CARMIL1: variants seen among roughly 807,000 people sequenced by gnomAD.
The protein encoded by CARMIL1 is capping protein regulator and myosin 1 linker 1.
In CARMIL1, 90 loss-of-function variants were observed where a neutral mutation model predicts 177.1. That is an observed-to-expected ratio of 0.51 (90% CI 0.43 to 0.61). CARMIL1 has a LOEUF of 0.61. CARMIL1 is among the 20% of genes least tolerant of loss of function. CARMIL1 has a pLI of 0.00. For missense variants in CARMIL1, 1,380 were observed against 1,667.0 expected (o/e 0.83, Z 3.00); for synonymous variants, 577 against 606.2 (o/e 0.95, Z 0.71).
At chr6:25,346,343 C>G (rs966245152) in intron 2 of CARMIL1, among the ~76,000 whole-genome samples, 1 of 152,146 alleles carries the variant, frequency 6.6e-6, no homozygotes, top group African/African-American at 2.4e-5. Context: ...ATTTGTTCTT[C>G]CCTCTGCCTG....
At chr6:25,281,118 A>T (rs1057204151) in intron 1 of CARMIL1, among the ~76,000 whole-genome samples, 3 of 80,648 alleles carry the variant, frequency 3.7e-5, no homozygotes, top group East Asian at 1.1e-3. Context: ...TCACAGACGC[A>T]CGCGCGTGTG....
intron 22 of CARMIL1, among the ~76,000 whole-genome samples, chr6:25,518,525 G>T (rs941142534): frequency 1.3e-5 from 2 of 152,154 alleles, no homozygotes; most frequent in African/African-American, 4.8e-5. Flanking sequence ...AGGCAGCTTA[G>T]ACTATCAGTT....
intron 33 of CARMIL1, among the ~76,000 whole-genome samples, chr6:25,603,642 G>T (rs1200356005): frequency 6.6e-6 from 1 of 152,190 alleles, no homozygotes; most frequent in Non-Finnish European, 1.5e-5. Context: ...CAGTCTGAAG[G>T]TCAGACTGCC....
rs953290770 is a variant in CARMIL1 at position 25,603,451 on chromosome 6, C to T, written c.3553-1361C>T. Reference sequence around the variant, plus strand: ...CTTCCTGCCACTTGGGTGCTTCCTTCTGATAGAGCCAGCACTCCTGGGGAG... The same window carrying T: ...CTTCCTGCCACTTGGGTGCTTCCTTTTGATAGAGCCAGCACTCCTGGGGAG... On this transcript the variant is annotated intron_variant, in intron 33 of 36. Coordinates refer to ENST00000329474, the MANE Select transcript of CARMIL1 (RefSeq NM_017640.6). Among the ~76,000 whole-genome samples, 6 of 152,290 alleles carry T rather than the reference C, an allele frequency of 3.9e-5. No individual in the cohort carries two copies. In the East Asian group the frequency reaches 1.2e-3, roughly 29 times the overall value.
At chr6:25,386,282 T>A (rs951195262) in intron 2 of CARMIL1, among the ~76,000 whole-genome samples, 1 of 152,166 alleles carries the variant, frequency 6.6e-6, no homozygotes, top group Non-Finnish European at 1.5e-5. Flanking sequence ...GGACGGAATC[T>A]TGCTCTGTCG....
At chr6:25,387,156 C>G (rs1197338949) in intron 2 of CARMIL1, among the ~76,000 whole-genome samples, 1 of 146,966 alleles carries the variant, frequency 6.8e-6, no homozygotes, top group East Asian at 2.1e-4. Flanking sequence ...AGATAACACT[C>G]TATGATGTCA....
chr6:25,281,123 C>CAT (rs1554148532), intron 1 of CARMIL1, among the ~76,000 whole-genome samples: 1 of 122,974 alleles, frequency 8.1e-6, no homozygotes, highest in Non-Finnish European at 1.7e-5. Flanking sequence ...GACGCACGCG[C>CAT]GTGTGCGCGC....
At chr6:25,422,126 A>G (rs1025460335) in intron 3 of CARMIL1, among the ~76,000 whole-genome samples, 3 of 152,164 alleles carry the variant, frequency 2.0e-5, no homozygotes, top group East Asian at 3.8e-4. Context: ...TAGACTCACC[A>G]TGTCCTACTT....
rs1395251025 is a variant in CARMIL1 at position 25,326,739 on chromosome 6, T to G, written c.138+41830T>G. On this transcript the variant is annotated intron_variant, in intron 2 of 36. Coordinates refer to ENST00000329474, the MANE Select transcript of CARMIL1 (RefSeq NM_017640.6). This position sits in a 1 kb window ranked among gnomAD's most constrained non-coding sequence, Gnocchi z 4.2. ...GAGGAGATGGTAAGCAGTAGATGGATTCTGGTGTATGTTTTGAAGGTAGGG... is the reference window on the plus strand; with the variant it reads ...GAGGAGATGGTAAGCAGTAGATGGAGTCTGGTGTATGTTTTGAAGGTAGGG... Among the ~76,000 whole-genome samples the G allele has an allele frequency of 6.6e-6, 1 of 152,150 alleles. No homozygotes were observed. The highest frequency in any genetic ancestry group is 6.6e-5 in the Admixed American group (1 of 15,264).
At chr6:25,431,957 T>C (rs1796831125) in intron 4 of CARMIL1, among the ~76,000 whole-genome samples, 1 of 152,208 alleles carries the variant, frequency 6.6e-6, no homozygotes, top group South Asian at 2.1e-4. Flanking sequence ...CTGGCAATAC[T>C]AGTAACCTAA....
At position 25,600,378 on chromosome 6, in the gene CARMIL1, C is replaced by T; in HGVS notation, c.3184C>T (p.Arg1062Ter). The T allele has an allele frequency of 6.2e-7, 1 of 1,613,882 alleles. No homozygotes were observed. Among genetic ancestry groups the T allele is most frequent in the Non-Finnish European group, 8.5e-7 (1 of 1,179,870 alleles). ...LNEGGDEKKK[R>*]DSRKSSGFLN... Reference sequence around the variant, plus strand: ...TGAAGGAGGAGATGAAAAGAAAAAGCGAGATTCTCGGAAAAGTAGTGGCTT... The same window carrying T: ...TGAAGGAGGAGATGAAAAGAAAAAGTGAGATTCTCGGAAAAGTAGTGGCTT... Residue 1062 changes from arginine (R) to a stop codon, truncating the protein, a stop_gained, in exon 33 of 37, where the codon CGA becomes TGA. Transcript: ENST00000329474. LOFTEE classifies it high-confidence loss of function.
intron 15 of CARMIL1, 52 bp from the exon 16 acceptor site, chr6:25,495,059 A>G (rs1466422966): frequency 1.0e-6 from 1 of 981,760 alleles, no homozygotes; most frequent in African/African-American, 1.6e-5. Flanking sequence ...ATAATCAATG[A>G]ATATGTTTGA....
intron 2 of CARMIL1, among the ~76,000 whole-genome samples, chr6:25,301,215 T>C (rs1190676542): frequency 6.6e-6 from 1 of 151,852 alleles, no homozygotes; most frequent in Non-Finnish European, 1.5e-5. Flanking sequence ...GACAAAGAAA[T>C]GGGAAGACAG....
chr6:25,620,082 T>C lies in CARMIL1; in HGVS notation c.*499T>C, dbSNP rs1355809950. The C allele has an allele frequency of 6.5e-6, 1 of 152,766 alleles. No homozygotes were observed. Among genetic ancestry groups the C allele is most frequent in the Non-Finnish European group, 1.5e-5 (1 of 68,124 alleles). 9.5% of individuals were successfully genotyped at this position (152,766 alleles called of 1,614,324 possible). A position where few individuals can be genotyped will look rare whatever the true frequency, so the allele number is the denominator to read the frequency against. ...TCTTGATGTATGCAATTGCACATTG[T>C]AATTATATTAACAGAGCACACTAAT... On this transcript the variant is annotated 3_prime_UTR_variant, in exon 37 of 37. Coordinates refer to ENST00000329474, the MANE Select transcript of CARMIL1 (RefSeq NM_017640.6).
intron 2 of CARMIL1, among the ~76,000 whole-genome samples, chr6:25,387,827 A>G (rs775374168): frequency 3.9e-5 from 6 of 152,206 alleles, no homozygotes; most frequent in Non-Finnish European, 7.3e-5. Flanking sequence ...CAGGGAAAGC[A>G]TCGTATGAAA....
Position 25,363,404 on chromosome 6 carries a change from T to TC in CARMIL1, c.139-56708dup, listed in dbSNP as rs1789439465. On this transcript the variant is annotated intron_variant, in intron 2 of 36. Coordinates refer to ENST00000329474, the MANE Select transcript of CARMIL1 (RefSeq NM_017640.6). ...TGTTCTACACCACGGAAGATTTTTT[T>TC]CCTCTCTCTCTTTTAGAGGGCTCTT... Among the ~76,000 whole-genome samples, 4 of 151,968 alleles carry TC rather than the reference T, an allele frequency of 2.6e-5. No homozygotes were observed. The South Asian group carries it at 8.3e-4, about 32-fold the overall frequency.
intron 23 of CARMIL1, among the ~76,000 whole-genome samples, chr6:25,522,310 G>T (rs1806650455): frequency 6.6e-6 from 1 of 152,132 alleles, no homozygotes; most frequent in Admixed American, 6.5e-5. Flanking sequence ...GATAAATAAA[G>T]CTGGGTCTCC....
At chr6:25,322,117 C>G (rs1311091161) in intron 2 of CARMIL1, among the ~76,000 whole-genome samples, 1 of 151,590 alleles carries the variant, frequency 6.6e-6, no homozygotes, top group Non-Finnish European at 1.5e-5. Context: ...TTAAAGAAAT[C>G]TGGTGTTTTT....
intron 36 of CARMIL1, chr6:25,612,392 T>C (rs1816575276): frequency 6.6e-6 from 1 of 152,258 alleles, no homozygotes; most frequent in Non-Finnish European, 1.5e-5. Context: ...CCAACTAATT[T>C]CTGAAACAGG....
Sources: allele counts gnomAD v4.1 joint callset (sites outside exome capture counted in the v4.1 genomes callset), GRCh38; gene constraint gnomAD v4.1.1; non-coding constraint Gnocchi (gnomAD v3.1); transcripts MANE v1.5; gene names NCBI Gene and HGNC (gene_info 2026-07-23, HGNC 2026-07-21).